The following SARS1 variants were observed in gnomAD, a reference collection of about 807,000 sequenced individuals.
SARS1 encodes the protein seryl-tRNA synthetase 1.
Under a neutral mutation model 63.7 loss-of-function variants are expected in SARS1, and 25 were observed. The ratio of observed to expected loss-of-function variants is 0.39; its 90% CI spans 0.29 to 0.55. SARS1 has a LOEUF of 0.55. Ranked by LOEUF, SARS1 falls within the 20% of genes least tolerant of loss-of-function variation. The probability of loss-of-function intolerance (pLI) is 0.62; values close to 1 mark genes in which losing one functional copy is unlikely to be tolerated. For synonymous variants in SARS1, 231 were observed against 243.5 expected (o/e 0.95, Z 0.48); for missense variants, 417 against 649.7 (o/e 0.64, Z 3.89).
rs1296264125 is a variant in SARS1, at chr1:109,235,184, A to G, written c.748-26A>G. The G allele has an allele frequency of 6.3e-7, 1 of 1,579,520 alleles. No individual in the cohort carries two copies. Among genetic ancestry groups the G allele is most frequent in the East Asian group, 2.2e-5 (1 of 44,660 alleles). ...CCAAGGTCCTCCCCACTTCCTCTTA[A>G]CTGGTATAGCTCCTTCCTTCCACAG... On this transcript the variant is annotated intron_variant, in intron 6 of 10. Coordinates refer to ENST00000234677, the MANE Select transcript of SARS1 (RefSeq NM_006513.4). This position sits in a 1 kb window ranked among gnomAD's most constrained non-coding sequence, Gnocchi z 4.7.
At chr1:109,227,141 T>C (rs1373714795) in intron 2 of SARS1, among the ~76,000 whole-genome samples, 2 of 151,784 alleles carry the variant, frequency 1.3e-5, no homozygotes, top group Non-Finnish European at 2.9e-5. Context: ...ATTACAGGTG[T>C]CTGCTACCGC....
chr1:109,231,880 C>A, intron 6 of SARS1, 94 bp downstream of exon 6: 3 of 1,088,028 alleles, frequency 2.8e-6, no homozygotes, highest in Non-Finnish European at 3.7e-6. Flanking sequence ...GGACTTTCTG[C>A]GATGATGGAA....
Position 109,221,861 on chromosome 1 carries a change from C to T in SARS1, c.137-2117C>T, listed in dbSNP as rs534667634. ...TTGAGATAGAGTCTTGTTCTGTCAC[C>T]TAGCCTGGAGTGCAGTGGAATGATC... On this transcript the variant is annotated intron_variant, in intron 1 of 10. Coordinates refer to ENST00000234677, the MANE Select transcript of SARS1 (RefSeq NM_006513.4). 2.0e-5 allele frequency among the ~76,000 whole-genome samples: 3 copies of T among 150,062 alleles called. No homozygotes were observed. In the South Asian group the frequency reaches 6.3e-4, roughly 31 times the overall value.
At chr1:109,221,960 T>TTTTTTGTGTGTGTGTG (rs771565091) in intron 1 of SARS1, among the ~76,000 whole-genome samples, 1 of 10,060 alleles carries the variant, frequency 9.9e-5, no homozygotes, top group African/African-American at 1.5e-4. Flanking sequence ...GCTAATTTTT[T>TTTTTTGTGTGTGTGTG]TGTGTGTGTG....
At chr1:109,236,184 G>A (rs1301741697) in intron 8 of SARS1, 78 bp downstream of exon 8, 1 of 1,504,478 alleles carries the variant, frequency 6.6e-7, no homozygotes, top group African/African-American at 1.4e-5. Context: ...CTGCCACACA[G>A]AGAAACAGCT....
rs752249250 is a variant in SARS1 at position 109,235,989 on chromosome 1, G to A, written c.982G>A (p.Val328Met). ...VHQFEKIEQF[V>M]YSSPHDNKSW... ...TCCCTCTCTGCAGATTGAACAGTTT[G>A]TGTACTCATCACCCCATGACAACAA... The change falls in exon 8 of 11, where the codon GTG becomes ATG. Residue 328 changes from valine to methionine, a missense_variant. Physicochemically the swap from Val to Met is conservative, Grantham distance 21. Coordinates refer to ENST00000234677, the MANE Select transcript of SARS1 (RefSeq NM_006513.4). The surrounding 1 kb of genome is among the most constrained non-coding windows in gnomAD (Gnocchi z 4.7). The A allele has an allele frequency of 1.2e-6, 2 of 1,610,908 alleles. No homozygotes were observed. Among genetic ancestry groups the A allele is most frequent in the Non-Finnish European group, 1.7e-6 (2 of 1,178,498 alleles).
rs115465712 is a variant in SARS1 at position 109,232,000 on chromosome 1, A to G, written c.747+214A>G. On this transcript the variant is annotated intron_variant, in intron 6 of 10. Coordinates refer to ENST00000234677, the MANE Select transcript of SARS1 (RefSeq NM_006513.4). Reference sequence around the variant, plus strand: ...CTTAAACATGTAGCTAATGACTGCCATATTAGACAGTGCAGCTGCAGAGCC... The same window carrying G: ...CTTAAACATGTAGCTAATGACTGCCGTATTAGACAGTGCAGCTGCAGAGCC... Among the ~76,000 whole-genome samples, 651 of 152,334 alleles carry G rather than the reference A, an allele frequency of 4.3e-3. 6 individuals are homozygous for G. The highest frequency in any genetic ancestry group is 0.015 in the African/African-American group (625 of 41,572).
chr1:109,235,742 T>G lies in SARS1; in HGVS notation c.970-235T>G, dbSNP rs1304613145. Among the ~76,000 whole-genome samples, 1 of 152,214 alleles carries G rather than the reference T, an allele frequency of 6.6e-6. No homozygotes were observed. Among genetic ancestry groups the G allele is most frequent in the Non-Finnish European group, 1.5e-5 (1 of 68,028 alleles). On this transcript the variant is annotated intron_variant, in intron 7 of 10. Coordinates refer to ENST00000234677, the MANE Select transcript of SARS1 (RefSeq NM_006513.4). The surrounding 1 kb of genome is among the most constrained non-coding windows in gnomAD (Gnocchi z 4.7). Reference sequence around the variant, plus strand: ...CCTCACCAGGCCTATTGTGGCCTATTGTGAGGATTATCCCAGTCACTATAT... The same window carrying G: ...CCTCACCAGGCCTATTGTGGCCTATGGTGAGGATTATCCCAGTCACTATAT...
At chr1:109,223,708 G>T (rs1247810102) in intron 1 of SARS1, among the ~76,000 whole-genome samples, 3 of 152,168 alleles carry the variant, frequency 2.0e-5, no homozygotes, top group Non-Finnish European at 2.9e-5. Context: ...GGAGGTTGTG[G>T]CAGGAGAACC....
chr1:109,230,010 G>A (rs557439593), intron 4 of SARS1, among the ~76,000 whole-genome samples: 4 of 152,232 alleles, frequency 2.6e-5, no homozygotes, highest in East Asian at 3.9e-4. Flanking sequence ...CACCCCAGCC[G>A]TAGCAGGGCC....
chr1:109,220,027 TTTGA>T (rs894252731), intron 1 of SARS1, among the ~76,000 whole-genome samples: 2 of 152,110 alleles, frequency 1.3e-5, no homozygotes, highest in Non-Finnish European at 2.9e-5. Flanking sequence ...TTAAAAAATG[TTTGA>T]TTGGCAATTA....
intron 1 of SARS1, chr1:109,216,672 T>A: frequency 1.2e-6 from 1 of 836,182 alleles, no homozygotes; most frequent in Non-Finnish European, 1.4e-6. Context: ...TCTCACTGTG[T>A]CACCCAGGCA....
At chr1:109,216,554 A>T (rs1468259376) in intron 1 of SARS1, 10 of 985,180 alleles carry the variant, frequency 1.0e-5, no homozygotes, top group Non-Finnish European at 1.2e-5. Context: ...AAACCCCAAG[A>T]ATTTTATCCT....
At position 109,235,260 on chromosome 1, in the gene SARS1, G is replaced by A. The variant is rs1655285088; in HGVS notation, c.798G>A (p.Lys266=). ...EKSDDNSYDE[K]YLIATSEQPI... ...CTGATGACAACTCCTATGATGAGAA[G>A]TACCTGATTGCCACCTCAGAGCAGC... Residue 266 remains lysine (K), a synonymous_variant, in exon 7 of 11, where the codon AAG becomes AAA. Transcript: ENST00000234677. The surrounding 1 kb of genome is among the most constrained non-coding windows in gnomAD (Gnocchi z 4.7). 6.2e-7 allele frequency: 1 copy of A among 1,614,142 alleles called. No individual in the cohort carries two copies. The highest frequency in any genetic ancestry group is 1.1e-5 in the South Asian group (1 of 91,080).
intron 2 of SARS1, among the ~76,000 whole-genome samples, chr1:109,226,037 G>A (rs1655058884): frequency 1.3e-5 from 2 of 151,888 alleles, no homozygotes; most frequent in Admixed American, 1.3e-4. Context: ...TTATTGCCCA[G>A]GCTGGAGCGC....
chr1:109,229,348 G>T, intron 3 of SARS1, 66 bp from the exon 4 acceptor site: 1 of 1,535,782 alleles, frequency 6.5e-7, no homozygotes, highest in South Asian at 1.2e-5. Context: ...TAGGGCAACC[G>T]AATCATATTC....
At chr1:109,217,120 C>T in intron 1 of SARS1, 1 of 985,366 alleles carries the variant, frequency 1.0e-6, no homozygotes, top group South Asian at 4.7e-5. Flanking sequence ...TACTTTAGAG[C>T]AGCACTGTCT....
intron 1 of SARS1, chr1:109,216,697 T>C: frequency 1.5e-6 from 1 of 683,728 alleles, no homozygotes; most frequent in Non-Finnish European, 1.8e-6. Context: ...CACAGCTCAC[T>C]GCAGCCTCAA....
At chr1:109,219,518 CTT>C (rs1248321342) in intron 1 of SARS1, among the ~76,000 whole-genome samples, 2 of 142,714 alleles carry the variant, frequency 1.4e-5, no homozygotes, top group Non-Finnish European at 1.5e-5. Context: ...TGGCTTCTTT[CTT>C]TTTTTTTTTT....
Sources: gnomAD v4.1 joint callset for allele counts (sites outside exome capture counted in the v4.1 genomes callset) on GRCh38, gnomAD v4.1.1 for gene constraint, Gnocchi (gnomAD v3.1) non-coding constraint, MANE v1.5 for transcripts, NCBI Gene and HGNC (gene_info 2026-07-23, HGNC 2026-07-21) for gene names.